PDE3B: variants seen among roughly 807,000 people sequenced by gnomAD.
PDE3B encodes the protein cGMP-inhibited 3',5'-cyclic phosphodiesterase 3B.
In PDE3B, 66 loss-of-function variants were observed where a neutral mutation model predicts 116.8. That is an observed-to-expected ratio of 0.56 (90% CI 0.46 to 0.69). PDE3B has a LOEUF of 0.69. Ranked by LOEUF, PDE3B falls within the 30% of genes least tolerant of loss-of-function variation. The pLI is 0.00. For missense variants in PDE3B, 1,384 were observed against 1,368.1 expected (o/e 1.01, Z -0.18); for synonymous variants, 595 against 533.6 (o/e 1.12, Z -1.59).
chr11:14,749,773 C>T (rs1857004679), intron 1 of PDE3B, among the ~76,000 whole-genome samples: 1 of 149,480 alleles, frequency 6.7e-6, no homozygotes, highest in African/African-American at 2.5e-5. Context: ...TCAGGGTTGT[C>T]CAGAAAAATA....
rs990189511 is a variant in PDE3B, at chr11:14,645,178, G to T, written c.978+125G>T. ...CAGAATGGAAAAAGGGTGTGTTGCG[G>T]GGGGGGGGGGGGAGGAAATAATGTT... On this transcript the variant is annotated intron_variant, in intron 1 of 15. Coordinates refer to ENST00000282096, the MANE Select transcript of PDE3B (RefSeq NM_000922.4). 5.8e-3 allele frequency: 412 copies of T among 71,524 alleles called. 4 individuals are homozygous for T. Among genetic ancestry groups the T allele is most frequent in the African/African-American group, 0.033 (397 of 12,136 alleles). 4.4% of individuals were successfully genotyped at this position (71,524 alleles called of 1,614,324 possible). A position where few individuals can be genotyped will look rare whatever the true frequency, so the allele number is the denominator to read the frequency against.
chr11:14,662,311 T>A lies in PDE3B; in HGVS notation c.978+17258T>A, dbSNP rs868074093. Reference sequence around the variant, plus strand: ...TCCACACCAAAAACCCATCTGTACATCACCATCATCAAAGACCAGAAGTAG... The same window carrying A: ...TCCACACCAAAAACCCATCTGTACAACACCATCATCAAAGACCAGAAGTAG... On this transcript the variant is annotated intron_variant, in intron 1 of 15. Transcript: ENST00000282096. Among the ~76,000 whole-genome samples, 30 of 152,088 alleles carry A rather than the reference T, an allele frequency of 2.0e-4. 1 individual carries two copies. In the Middle Eastern group the frequency reaches 0.01, roughly 52 times the overall value.
intron 1 of PDE3B, among the ~76,000 whole-genome samples, chr11:14,647,586 A>G (rs920537526): frequency 6.6e-6 from 1 of 152,132 alleles, no homozygotes; most frequent in Admixed American, 6.5e-5. Context: ...TTTCCAAGGT[A>G]TAATAATTGA....
At chr11:14,647,121 A>T (rs1344344295) in intron 1 of PDE3B, among the ~76,000 whole-genome samples, 2 of 151,892 alleles carry the variant, frequency 1.3e-5, no homozygotes, top group Non-Finnish European at 2.9e-5. Context: ...ATATTATGTT[A>T]AATATATTGA....
intron 1 of PDE3B, chr11:14,698,786 G>C (rs1855283526): frequency 6.6e-6 from 1 of 151,850 alleles, no homozygotes; most frequent in South Asian, 2.1e-4. Flanking sequence ...GTCTTCTTTT[G>C]CAGCTGAAGA....
chr11:14,802,618 C>G (rs150879630), intron 4 of PDE3B, among the ~76,000 whole-genome samples: 306 of 152,268 alleles, frequency 2.0e-3, no homozygotes, highest in Non-Finnish European at 1.4e-3. Flanking sequence ...GGAACACACA[C>G]ATTTTTCTAT....
intron 14 of PDE3B, among the ~76,000 whole-genome samples, chr11:14,864,171 C>T (rs1318824421): frequency 6.6e-6 from 1 of 152,100 alleles, no homozygotes; most frequent in African/African-American, 2.4e-5. Context: ...TCTGATGAAA[C>T]AGACTTTAAA....
chr11:14,877,530 TAAG>T, the PDE3B span: 5 of 152,190 alleles, frequency 3.3e-5, no homozygotes, highest in African/African-American at 1.2e-4. Flanking sequence ...CCCTCATTTA[TAAG>T]AAGAATGACA....
chr11:14,737,986 T>TC (rs1314987813), intron 1 of PDE3B, among the ~76,000 whole-genome samples: 1 of 152,204 alleles, frequency 6.6e-6, no homozygotes, highest in Non-Finnish European at 1.5e-5. Context: ...CCATGGTGTA[T>TC]ATGTGCCACA....
At chr11:14,869,346 G>A in intron 15 of PDE3B, 115 bp from the exon 16 acceptor site, 2 of 618,496 alleles carry the variant, frequency 3.2e-6, no homozygotes, top group East Asian at 3.0e-5. Context: ...TTATTTTATA[G>A]TACTGTTTAC....
At chr11:14,660,890 A>G (rs955184626) in intron 1 of PDE3B, among the ~76,000 whole-genome samples, 1 of 152,204 alleles carries the variant, frequency 6.6e-6, no homozygotes, top group African/African-American at 2.4e-5. Context: ...AAAAGAAGAC[A>G]TTTATGCAGC....
At chr11:14,686,773 G>C (rs1353363268) in intron 1 of PDE3B, among the ~76,000 whole-genome samples, 2 of 151,998 alleles carry the variant, frequency 1.3e-5, no homozygotes, top group Admixed American at 1.3e-4. Context: ...GAGTGCAGTG[G>C]CATGATCTTA....
intron 1 of PDE3B, among the ~76,000 whole-genome samples, chr11:14,653,703 A>G (rs1050658725): frequency 1.3e-5 from 2 of 152,170 alleles, no homozygotes; most frequent in African/African-American, 4.8e-5. Context: ...CAGGTGATTA[A>G]AAAAACTGTC....
intron 9 of PDE3B, among the ~76,000 whole-genome samples, 166 bp downstream of exon 9, chr11:14,831,943 A>G (rs1311496752): frequency 1.3e-5 from 2 of 152,088 alleles, no homozygotes; most frequent in African/African-American, 2.4e-5. Flanking sequence ...TATATATAAG[A>G]TGTAGATCAT....
chr11:14,879,076 C>T, the PDE3B span: 3 of 1,493,118 alleles, frequency 2.0e-6, no homozygotes, highest in African/African-American at 2.8e-5. Flanking sequence ...TATCATTATC[C>T]TTTATTCTAA....
At chr11:14,831,805 C>A in intron 9 of PDE3B, 28 bp downstream of exon 9, 1 of 1,537,208 alleles carries the variant, frequency 6.5e-7, no homozygotes, top group Non-Finnish European at 8.9e-7. Context: ...TACTTTTTAA[C>A]TGTAAATTAA....
intron 1 of PDE3B, among the ~76,000 whole-genome samples, chr11:14,731,814 T>C (rs1299497916): frequency 6.6e-6 from 1 of 152,192 alleles, no homozygotes; most frequent in East Asian, 1.9e-4. Flanking sequence ...GTGCACTGAC[T>C]TAAGTGCTGG....
intron 1 of PDE3B, among the ~76,000 whole-genome samples, chr11:14,759,629 A>T: frequency 6.7e-6 from 1 of 148,970 alleles, no homozygotes; most frequent in African/African-American, 2.5e-5. Context: ...GCTCACTGAA[A>T]CCTCCGCCTC....
chr11:14,801,763 C>T (rs927400766), intron 4 of PDE3B, among the ~76,000 whole-genome samples: 1 of 152,230 alleles, frequency 6.6e-6, no homozygotes, highest in Non-Finnish European at 1.5e-5. Context: ...TGCTCTGTCC[C>T]AGGGAGATTG....
Sources: allele counts gnomAD v4.1 joint callset (sites outside exome capture counted in the v4.1 genomes callset), GRCh38; gene constraint gnomAD v4.1.1; transcripts MANE v1.5; gene names NCBI Gene and HGNC (gene_info 2026-07-23, HGNC 2026-07-21).